AK5: variants seen among roughly 807,000 people sequenced by gnomAD.
AK5 encodes the protein adenylate kinase isoenzyme 5.
AK5 carries 27 observed loss-of-function variants against 69.5 expected under a neutral mutation model. The observed-to-expected ratio is 0.39, with a 90% CI of 0.29 to 0.54. AK5 has a LOEUF of 0.54. AK5 is among the 20% of genes least tolerant of loss of function. The pLI is 0.71. For missense variants in AK5, 531 were observed against 700.4 expected, an observed-to-expected ratio of 0.76 and a Z score of 2.73; for synonymous variants, 260 against 244.4, an observed-to-expected ratio of 1.06 and a Z score of -0.60.
At chr1:77,398,161 A>C (rs1026971958) in intron 6 of AK5, among the ~76,000 whole-genome samples, 1 of 152,220 alleles carries the variant, frequency 6.6e-6, no homozygotes, top group Non-Finnish European at 1.5e-5. Context: ...ACATGGACTT[A>C]AACAAGTAAT....
intron 5 of AK5, among the ~76,000 whole-genome samples, chr1:77,329,625 A>G (rs1217186231): frequency 2.0e-5 from 3 of 152,190 alleles, no homozygotes; most frequent in African/African-American, 4.8e-5. Flanking sequence ...TGCAAGGACT[A>G]CCTTTTCAGA....
At chr1:77,288,193 G>A (rs1332445737) in intron 2 of AK5, among the ~76,000 whole-genome samples, 1 of 152,154 alleles carries the variant, frequency 6.6e-6, no homozygotes, top group Non-Finnish European at 1.5e-5. Flanking sequence ...GAGAAGATTT[G>A]TGGTGTTTTG....
chr1:77,512,014 G>T (rs528095947), intron 10 of AK5, among the ~76,000 whole-genome samples: 1 of 152,286 alleles, frequency 6.6e-6, no homozygotes, highest in South Asian at 2.1e-4. Context: ...AGCTGCAGGG[G>T]GCTGAAATTG....
chr1:77,445,870 C>A (rs974944833), intron 8 of AK5, among the ~76,000 whole-genome samples: 11 of 152,210 alleles, frequency 7.2e-5, no homozygotes, highest in Non-Finnish European at 4.4e-5. Flanking sequence ...CAGCCCTGAG[C>A]CACCACGCCT....
intron 6 of AK5, among the ~76,000 whole-genome samples, chr1:77,364,761 C>T (rs998422475): frequency 3.9e-5 from 6 of 152,266 alleles, no homozygotes; most frequent in African/African-American, 1.4e-4. Context: ...TTTAGTTTAT[C>T]CATTCGTCTG....
chr1:77,461,596 C>G (rs1182054660), intron 8 of AK5, among the ~76,000 whole-genome samples: 6 of 151,584 alleles, frequency 4.0e-5, no homozygotes, highest in Non-Finnish European at 7.4e-5. Flanking sequence ...ATGGTGAAAT[C>G]CCGTCTCTAC....
intron 13 of AK5, among the ~76,000 whole-genome samples, chr1:77,547,009 C>T (rs888145776): frequency 6.6e-6 from 1 of 152,144 alleles, no homozygotes; most frequent in Non-Finnish European, 1.5e-5. Context: ...GCAGATGAGA[C>T]TAAAGAGCAA....
At chr1:77,497,923 A>G (rs1656449669) in intron 10 of AK5, among the ~76,000 whole-genome samples, 1 of 140,754 alleles carries the variant, frequency 7.1e-6, no homozygotes, top group Non-Finnish European at 1.6e-5. Context: ...TGAGATATCC[A>G]AGCAGTGATG....
At chr1:77,527,933 C>T (rs1049920522) in intron 12 of AK5, among the ~76,000 whole-genome samples, 6 of 152,216 alleles carry the variant, frequency 3.9e-5, no homozygotes, top group Admixed American at 6.5e-5. Context: ...GTGGCACATG[C>T]CTGTAATCCC....
chr1:77,305,310 C>T (rs372675093), intron 5 of AK5, among the ~76,000 whole-genome samples: 12 of 152,038 alleles, frequency 7.9e-5, no homozygotes, highest in Admixed American at 5.2e-4. Context: ...TTGCTTGTAT[C>T]CTTTGCTGTG....
intron 5 of AK5, among the ~76,000 whole-genome samples, chr1:77,336,237 A>G (rs1661355165): frequency 6.6e-6 from 1 of 151,864 alleles, no homozygotes; most frequent in Non-Finnish European, 1.5e-5. Context: ...ATGCGCCACC[A>G]CGCCCAGCTA....
chr1:77,557,225 AT>A (rs1199099906), intron 13 of AK5: 1 of 154,524 alleles, frequency 6.5e-6, no homozygotes, highest in African/African-American at 2.4e-5. Flanking sequence ...TTTATTTATT[AT>A]TATTTTTTTT....
chr1:77,299,872 A>T (rs747595342), intron 5 of AK5, among the ~76,000 whole-genome samples: 4 of 152,120 alleles, frequency 2.6e-5, no homozygotes, highest in Non-Finnish European at 5.9e-5. Flanking sequence ...TAAACATGCT[A>T]TGTTGAATAT....
At chr1:77,368,245 A>ATATATATATATATATATTATATATAT (rs376578923) in intron 6 of AK5, among the ~76,000 whole-genome samples, 4 of 67,906 alleles carry the variant, frequency 5.9e-5, no homozygotes, top group African/African-American at 9.7e-5. Flanking sequence ...ATATATATAT[A>ATATATATATATATATATTATATATAT]TATATATAAT....
intron 6 of AK5, among the ~76,000 whole-genome samples, chr1:77,379,439 G>A (rs1233146422): frequency 3.3e-5 from 5 of 152,182 alleles, no homozygotes; most frequent in South Asian, 2.1e-4. Context: ...ATAGATTAGC[G>A]TCAGAGATTT....
chr1:77,363,306 C>A (rs1265918321), intron 6 of AK5, among the ~76,000 whole-genome samples: 1 of 152,138 alleles, frequency 6.6e-6, no homozygotes, highest in African/African-American at 2.4e-5. Flanking sequence ...AGAACATATC[C>A]AGAATTCCAC....
intron 12 of AK5, among the ~76,000 whole-genome samples, chr1:77,530,610 T>C (rs1168964612): frequency 6.6e-6 from 1 of 152,214 alleles, no homozygotes; most frequent in Non-Finnish European, 1.5e-5. Context: ...TTAAATAACA[T>C]TAGCTCCCAT....
chr1:77,444,303 ATATATACACAATATATGTG>A (rs1652557098), intron 8 of AK5, among the ~76,000 whole-genome samples: 1 of 79,750 alleles, frequency 1.3e-5, no homozygotes, highest in African/African-American at 5.5e-5. Flanking sequence ...TATATATAGT[ATATATACACAATATATGTG>A]TATATATATA....
rs562463773 is a variant in AK5 at position 77,514,050 on chromosome 1, C to T, written c.1148-4514C>T. Among the ~76,000 whole-genome samples the T allele has an allele frequency of 3.3e-5, 5 of 152,286 alleles. No homozygotes were observed. The South Asian group carries it at 6.2e-4, about 19-fold the overall frequency. ...TCGAGACCTGTAGGGAAATGACTTA[C>T]TCAGATGCAAATTGGGCGTTCACAG... On this transcript the variant is annotated intron_variant, in intron 10 of 13. Transcript: ENST00000354567.
Sources: allele counts gnomAD v4.1 joint callset (sites outside exome capture counted in the v4.1 genomes callset), GRCh38; gene constraint gnomAD v4.1.1; transcripts MANE v1.5; gene names NCBI Gene and HGNC (gene_info 2026-07-23, HGNC 2026-07-21).